Variants in ASIC2 observed in about 807,000 individuals in gnomAD.
The protein encoded by ASIC2 is acid sensing ion channel subunit 2.
ASIC2 carries 25 observed loss-of-function variants against 57.3 expected under a neutral mutation model. That is an observed-to-expected ratio of 0.44 (90% CI 0.32 to 0.61). The LOEUF (loss-of-function observed/expected upper bound fraction) is 0.61, where lower values mean the gene tolerates loss of function less well. Among genes scored for constraint, ASIC2 ranks in the 20% least tolerant of loss-of-function variants. The pLI, the probability that ASIC2 is intolerant of heterozygous loss-of-function variation, is 0.06. For synonymous variants in ASIC2, 319 were observed against 307.5 expected, an observed-to-expected ratio of 1.04 and a Z score of -0.39; for missense variants, 641 against 738.1, an observed-to-expected ratio of 0.87 and a Z score of 1.52.
chr17:33,145,265 G>T (rs930815434), intron 1 of ASIC2, among the ~76,000 whole-genome samples: 2 of 152,212 alleles, frequency 1.3e-5, no homozygotes, highest in African/African-American at 2.4e-5. Flanking sequence ...GGCATCAGGG[G>T]ACATTGATGG....
intron 1 of ASIC2, among the ~76,000 whole-genome samples, chr17:34,110,259 C>G (rs1911221995): frequency 6.6e-6 from 1 of 152,200 alleles, no homozygotes; most frequent in Non-Finnish European, 1.5e-5. Context: ...AAGTCAGCCC[C>G]AGCAACCACT....
chr17:33,183,804 T>A (rs143950159), intron 1 of ASIC2, among the ~76,000 whole-genome samples: 1 of 152,190 alleles, frequency 6.6e-6, no homozygotes, highest in East Asian at 1.9e-4. Context: ...TCCAACTGTA[T>A]ATGCTCAATC....
At chr17:33,846,977 C>A (rs573414842) in intron 1 of ASIC2, among the ~76,000 whole-genome samples, 1 of 152,084 alleles carries the variant, frequency 6.6e-6, no homozygotes, top group Non-Finnish European at 1.5e-5. Context: ...TGTACAATTC[C>A]GTCTCAGCTC....
At chr17:33,804,936 G>C (rs893599459) in intron 1 of ASIC2, among the ~76,000 whole-genome samples, 11 of 150,944 alleles carry the variant, frequency 7.3e-5, no homozygotes, top group African/African-American at 2.7e-4. Flanking sequence ...ATTAGGCTCT[G>C]TATCCTGGGA....
At chr17:33,642,592 C>T (rs908119389) in intron 1 of ASIC2, among the ~76,000 whole-genome samples, 2 of 152,192 alleles carry the variant, frequency 1.3e-5, no homozygotes, top group Admixed American at 6.5e-5. Context: ...ACTTTATACT[C>T]TCACTGTCCG....
intron 3 of ASIC2, among the ~76,000 whole-genome samples, chr17:33,085,131 C>T (rs557159222): frequency 6.6e-6 from 1 of 152,254 alleles, no homozygotes; most frequent in South Asian, 2.1e-4. Flanking sequence ...GCATGATTCA[C>T]ACCAACTTTC....
rs143567995 is a variant in ASIC2, at chr17:33,256,282, T to C, written c.708+35126A>G. ...AACAATATGGATTTGTGTGAGATGA[T>C]AAGAAATAGGTTTGAGATACATTAA... On this transcript the variant is annotated intron_variant, in intron 1 of 9. Transcript: ENST00000225823. Among the ~76,000 whole-genome samples the C allele has an allele frequency of 1.7e-3, 263 of 152,174 alleles. 1 individual carries two copies. The highest frequency in any genetic ancestry group is 5.9e-3 in the African/African-American group (243 of 41,508).
intron 1 of ASIC2, among the ~76,000 whole-genome samples, chr17:33,644,183 T>G (rs1906671546): frequency 6.6e-6 from 1 of 152,180 alleles, no homozygotes; most frequent in Non-Finnish European, 1.5e-5. Flanking sequence ...GCCTTTCCAG[T>G]GATCACATTA....
In ASIC2 at chr17:33,395,344, G is replaced by A. The variant is rs1346615779; in HGVS notation, c.556-283277C>T. Reference sequence around the variant, plus strand: ...CTTACAGTTCCACATGGTGGGGGAAGCCTCACAATCATGGTGGAAGGCAAG... The same window carrying A: ...CTTACAGTTCCACATGGTGGGGGAAACCTCACAATCATGGTGGAAGGCAAG... On this transcript the variant is annotated intron_variant, in intron 1 of 9. Coordinates refer to the ASIC2 transcript ENST00000359872. Among the ~76,000 whole-genome samples the A allele has an allele frequency of 2.0e-5, 3 of 152,174 alleles. No homozygotes were observed. In the East Asian group the frequency reaches 5.8e-4, roughly 29 times the overall value.
chr17:33,134,714 C>T (rs1042784174), intron 1 of ASIC2, among the ~76,000 whole-genome samples: 19 of 152,210 alleles, frequency 1.2e-4, no homozygotes, highest in African/African-American at 4.6e-4. Context: ...CCTGGGTTGT[C>T]CCCGGGCTGG....
chr17:34,138,648 G>A lies in ASIC2; in HGVS notation c.555+17330C>T, dbSNP rs560997194. ...CTGCTCCAGCTCTGCCCAGGCTCTGGACTAGTGAGAGAACCACATCTGAGC... is the reference window on the plus strand; with the variant it reads ...CTGCTCCAGCTCTGCCCAGGCTCTGAACTAGTGAGAGAACCACATCTGAGC... On this transcript the variant is annotated intron_variant, in intron 1 of 9. Transcript: ENST00000359872. Among the ~76,000 whole-genome samples, 54 of 152,304 alleles carry A rather than the reference G, an allele frequency of 3.5e-4. No homozygotes were observed. In the South Asian group the frequency reaches 7.5e-3, roughly 21 times the overall value.
At chr17:33,173,155 A>C (rs1333524794) in intron 1 of ASIC2, among the ~76,000 whole-genome samples, 4 of 152,124 alleles carry the variant, frequency 2.6e-5, no homozygotes, top group African/African-American at 9.7e-5. Flanking sequence ...ATACTGCTCT[A>C]TAGAAGATGA....
At chr17:34,096,536 C>A (rs576815963) in intron 1 of ASIC2, among the ~76,000 whole-genome samples, 1 of 152,144 alleles carries the variant, frequency 6.6e-6, no homozygotes, top group Middle Eastern at 3.4e-3. Context: ...GGAAAAATCC[C>A]ATTGATCATA....
At chr17:34,023,401 ACAC>A (rs1399776662) in intron 1 of ASIC2, among the ~76,000 whole-genome samples, 9 of 151,432 alleles carry the variant, frequency 5.9e-5, no homozygotes, top group Non-Finnish European at 1.2e-4. Context: ...ACACACACAC[ACAC>A]ACTTCAGATT....
At chr17:33,109,001 G>T (rs1309976079) in intron 2 of ASIC2, among the ~76,000 whole-genome samples, 1 of 152,160 alleles carries the variant, frequency 6.6e-6, no homozygotes, top group East Asian at 1.9e-4. Context: ...CCTGCAGCTA[G>T]CTAATTTAAA....
chr17:33,877,006 C>G (rs747893927), intron 1 of ASIC2, among the ~76,000 whole-genome samples: 9 of 152,188 alleles, frequency 5.9e-5, no homozygotes, highest in Admixed American at 2.6e-4. Context: ...ACAGCAAACA[C>G]CAAAGTGTCT....
intron 1 of ASIC2, among the ~76,000 whole-genome samples, chr17:34,145,531 T>C (rs1409799682): frequency 6.6e-6 from 1 of 152,188 alleles, no homozygotes; most frequent in East Asian, 1.9e-4. Flanking sequence ...GATGGCAGGG[T>C]ACAGGGTGCT....
intron 1 of ASIC2, among the ~76,000 whole-genome samples, chr17:33,378,684 CT>C (rs1264379767): frequency 1.3e-5 from 2 of 152,236 alleles, no homozygotes; most frequent in African/African-American, 4.8e-5. Flanking sequence ...TGGAAATGAA[CT>C]GGCAGGAAGG....
At chr17:33,050,921 C>A (rs28536687) in intron 3 of ASIC2, among the ~76,000 whole-genome samples, 2,945 of 152,154 alleles carry the variant, frequency 0.019, 89 homozygotes, top group African/African-American at 0.067. Context: ...GTTATCCCTG[C>A]TATGCAGATG....
Sources: gnomAD v4.1 joint callset for allele counts (sites outside exome capture counted in the v4.1 genomes callset) on GRCh38, gnomAD v4.1.1 for gene constraint, MANE v1.5 for transcripts, NCBI Gene and HGNC (gene_info 2026-07-23, HGNC 2026-07-21) for gene names.